Variants in CCDC18 observed in about 807,000 individuals in gnomAD.
The protein encoded by CCDC18 is coiled-coil domain-containing protein 18.
In CCDC18, 157 loss-of-function variants were observed where a neutral mutation model predicts 196.0. That is an observed-to-expected ratio of 0.80 (90% CI 0.70 to 0.91). CCDC18 has a LOEUF of 0.91. Among genes scored for constraint, CCDC18 ranks in the 40% least tolerant of loss-of-function variants. The pLI is 0.00. For missense variants in CCDC18, 1,465 were observed against 1,611.6 expected (o/e 0.91, Z 1.56); for synonymous variants, 482 against 529.2 (o/e 0.91, Z 1.22).
In CCDC18 at chr1:93,270,656, A is replaced by G. The variant is rs1665158994; in HGVS notation, c.4195A>G (p.Thr1399Ala). 6.5e-7 allele frequency: 1 copy of G among 1,550,268 alleles called. No individual in the cohort carries two copies. Among genetic ancestry groups the G allele is most frequent in the Admixed American group, 2.0e-5 (1 of 50,984 alleles). Residue 1399 changes from threonine to alanine, a missense_variant, in exon 28 of 29, where the codon ACC (threonine) becomes GCC (alanine). Coordinates refer to ENST00000690025, the MANE Select transcript of CCDC18 (RefSeq NM_001378204.1). ...AGAAAGCCATAAGAATCTGACTTACACCCAGCCAGACTCATTTAAACCTCT... is the reference window on the plus strand; with the variant it reads ...AGAAAGCCATAAGAATCTGACTTACGCCCAGCCAGACTCATTTAAACCTCT... ...LEESHKNLTY[T>A]QPDSFKPLTY...
At chr1:93,271,534 T>TA in intron 28 of CCDC18, 1 of 985,308 alleles carries the variant, frequency 1.0e-6, no homozygotes, top group South Asian at 4.7e-5. Context: ...CCAGACATCT[T>TA]AAATTCATAC....
chr1:93,221,794 G>A (rs1557648981), intron 15 of CCDC18, 51 bp downstream of exon 15: 27 of 1,591,132 alleles, frequency 1.7e-5, no homozygotes, highest in Non-Finnish European at 2.3e-5. Context: ...AATATTTTAT[G>A]TCTCTATAAC....
chr1:93,201,249 G>C (rs1571396084), intron 6 of CCDC18, among the ~76,000 whole-genome samples: 1 of 152,122 alleles, frequency 6.6e-6, no homozygotes, highest in South Asian at 2.1e-4. Context: ...ATGGGAATAG[G>C]TTTAAATATT....
intron 27 of CCDC18, among the ~76,000 whole-genome samples, chr1:93,267,611 T>C (rs1664702715): frequency 6.6e-6 from 1 of 152,190 alleles, no homozygotes; most frequent in Non-Finnish European, 1.5e-5. Flanking sequence ...AAAATCAATG[T>C]GCAAAAATAA....
At chr1:93,180,268 A>C (rs772804271), upstream of CCDC18, 2 of 1,591,252 alleles carry the variant, frequency 1.3e-6, no homozygotes, top group Admixed American at 3.7e-5. Flanking sequence ...CCCGGGCTGA[A>C]AGAGGCGTCA....
chr1:93,232,690 GC>G, intron 18 of CCDC18, 97 bp downstream of exon 18: 2 of 935,704 alleles, frequency 2.1e-6, no homozygotes, highest in Non-Finnish European at 3.2e-6. Context: ...TTGCTGTTTG[GC>G]CAGATGCCGT....
intron 6 of CCDC18, among the ~76,000 whole-genome samples, chr1:93,197,745 C>CTTTTTTTTTTTTTTT (rs71094240): frequency 3.4e-4 from 26 of 76,006 alleles, no homozygotes; most frequent in African/African-American, 4.6e-4. Context: ...CTTTTCTTTT[C>CTTTTTTTTTTTTTTT]TTTTTTTTTT....
At chr1:93,224,185 C>T (rs182913130) in intron 16 of CCDC18, among the ~76,000 whole-genome samples, 2 of 152,232 alleles carry the variant, frequency 1.3e-5, no homozygotes, top group East Asian at 3.9e-4. Context: ...ACTCTAGGTA[C>T]ACTCACTTTA....
intron 4 of CCDC18, chr1:93,190,884 C>A (rs1280512638): frequency 2.7e-5 from 20 of 733,314 alleles, no homozygotes; most frequent in Non-Finnish European, 4.5e-5. Flanking sequence ...TAGTTTCAGC[C>A]TTTTTCTGGA....
chr1:93,205,575 A>G lies in CCDC18; in HGVS notation c.861A>G (p.Leu287=). Residue 287 remains leucine (L), a synonymous_variant, in exon 8 of 29, where the codon CTA becomes CTG. Transcript: ENST00000690025. ...ACTGTGAAAAAGAAAATAAAAGGCT[A>G]CAAGAAAGGTGTGGTCTATATAAAA... ...LTNCEKENKR[L]QERCGLYKSE... 1 of 1,595,722 alleles carries G rather than the reference A, an allele frequency of 6.3e-7. No homozygotes were observed. The highest frequency in any genetic ancestry group is 8.6e-7 in the Non-Finnish European group (1 of 1,166,732).
intron 21 of CCDC18, among the ~76,000 whole-genome samples, chr1:93,245,632 AGATTT>A (rs1325777094): frequency 2.0e-5 from 3 of 152,138 alleles, no homozygotes; most frequent in African/African-American, 7.2e-5. Flanking sequence ...TTTTTATATT[AGATTT>A]AAGTGCTTTT....
chr1:93,271,340 T>C (rs1300706287), intron 28 of CCDC18: 3 of 984,878 alleles, frequency 3.0e-6, no homozygotes, highest in Middle Eastern at 5.2e-4. Context: ...CTAAAATATT[T>C]ATATTCATCT....
intron 28 of CCDC18, 47 bp from the exon 29 acceptor site, chr1:93,278,416 G>T: frequency 1.2e-6 from 1 of 815,018 alleles, no homozygotes; most frequent in Non-Finnish European, 1.8e-6. Flanking sequence ...TGCTAAATCA[G>T]TTTAGGAATA....
chr1:93,194,591 G>A (rs1652392805), intron 6 of CCDC18, among the ~76,000 whole-genome samples: 1 of 151,922 alleles, frequency 6.6e-6, no homozygotes, highest in Non-Finnish European at 1.5e-5. Flanking sequence ...ATATTATCTT[G>A]ATATGGATAG....
intron 17 of CCDC18, among the ~76,000 whole-genome samples, chr1:93,230,458 C>A (rs1238799286): frequency 4.6e-5 from 7 of 151,334 alleles, no homozygotes; most frequent in Admixed American, 2.6e-4. Flanking sequence ...CATCACTGCA[C>A]TCCAGCCTGG....
At chr1:93,184,824 A>G (rs1650347275) in intron 3 of CCDC18, among the ~76,000 whole-genome samples, 1 of 151,948 alleles carries the variant, frequency 6.6e-6, no homozygotes, top group African/African-American at 2.4e-5. Flanking sequence ...CCTTTTTGTA[A>G]CGAATCTGCT....
At chr1:93,222,721 T>C (rs2102248909) in intron 16 of CCDC18, among the ~76,000 whole-genome samples, 1 of 152,268 alleles carries the variant, frequency 6.6e-6, no homozygotes, top group Non-Finnish European at 1.5e-5. Context: ...AGAGCATTAG[T>C]GTGAGAATTA....
At chr1:93,259,026 C>G (rs1570609488) in intron 26 of CCDC18, 141 bp downstream of exon 26, 2 of 690,982 alleles carry the variant, frequency 2.9e-6, no homozygotes, top group East Asian at 6.7e-5. Flanking sequence ...AAACATACAG[C>G]TTTCACTTTA....
chr1:93,188,948 C>T (rs1651226251), intron 4 of CCDC18, among the ~76,000 whole-genome samples: 1 of 152,150 alleles, frequency 6.6e-6, no homozygotes, highest in Admixed American at 6.5e-5. Flanking sequence ...TATCCATCCC[C>T]TCAGGCATTT....
Sources: gnomAD v4.1 joint callset for allele counts (sites outside exome capture counted in the v4.1 genomes callset) on GRCh38, gnomAD v4.1.1 for gene constraint, MANE v1.5 for transcripts, NCBI Gene and HGNC (gene_info 2026-07-23, HGNC 2026-07-21) for gene names.